RPS6KA2: variants seen among roughly 807,000 people sequenced by gnomAD.
RPS6KA2 encodes the protein ribosomal protein S6 kinase A2, also known as ribosomal protein S6 kinase alpha-2.
RPS6KA2 carries 42 observed loss-of-function variants against 91.8 expected under a neutral mutation model. That is an observed-to-expected ratio of 0.46 (90% CI 0.36 to 0.59). The LOEUF is 0.59. RPS6KA2 is among the 20% of genes least tolerant of loss of function. The probability of loss-of-function intolerance (pLI) is 0.00; values close to 1 mark genes in which losing one functional copy is unlikely to be tolerated. For synonymous variants in RPS6KA2, 414 were observed against 393.6 expected (o/e 1.05, Z -0.61); for missense variants, 798 against 978.5 (o/e 0.82, Z 2.46).
upstream of RPS6KA2, among the ~76,000 whole-genome samples, chr6:166,629,539 A>T (rs1787010236): frequency 6.6e-6 from 1 of 152,240 alleles, no homozygotes. Flanking sequence ...ATCTCTAGTG[A>T]TCATGGAACA....
intron 2 of RPS6KA2, among the ~76,000 whole-genome samples, chr6:166,647,989 C>A (rs1022165551): frequency 4.8e-5 from 5 of 103,666 alleles, no homozygotes; most frequent in African/African-American, 2.1e-4. Context: ...CTCACACACA[C>A]GCACATGCTC....
Position 166,510,348 on chromosome 6 carries a change from C to A in RPS6KA2, c.308G>T (p.Arg103Leu). Reference protein sequence around the residue: ...LKKATLKVRDRVRSKMERDIL... With the variant: ...LKKATLKVRDLVRSKMERDIL... Reference sequence around the variant, plus strand: ...GTCTCTCTCCATCTTCGATCTCACTCGGTCCCGAACTGCAAAGTAAAAAGA... The same window carrying A: ...GTCTCTCTCCATCTTCGATCTCACTAGGTCCCGAACTGCAAAGTAAAAAGA... The change falls in exon 4 of 21, where the codon CGA (arginine) becomes CTA (leucine). Residue 103 changes from arginine to leucine, a missense_variant. By Grantham distance (102) the Arg-to-Leu change is moderately radical. Transcript: ENST00000265678. 6.3e-7 allele frequency: 1 copy of A among 1,588,260 alleles called. No individual in the cohort carries two copies. Among genetic ancestry groups the A allele is most frequent in the Non-Finnish European group, 8.6e-7 (1 of 1,164,200 alleles).
At chr6:166,478,808 C>A (rs1781078477) in intron 10 of RPS6KA2, among the ~76,000 whole-genome samples, 1 of 152,278 alleles carries the variant, frequency 6.6e-6, no homozygotes. Context: ...CTCGTCAGAC[C>A]CATTACAGTG....
In RPS6KA2 at chr6:166,700,799, A is replaced by G. The variant is rs1185858002; in HGVS notation, c.123+157401T>C. 5.3e-5 allele frequency among the ~76,000 whole-genome samples: 8 copies of G among 152,316 alleles called. No homozygotes were observed. In the East Asian group the frequency reaches 1.3e-3, roughly 26 times the overall value. On this transcript the variant is annotated intron_variant, in intron 2 of 21. Transcript: ENST00000503859. The stretch of plus-strand genomic sequence containing the variant: ...TGGGGGAATATTAAGAATAATTAGA[A>G]TATCTGTTATACTGTGAGACTACAA...
rs779870488 is a variant in RPS6KA2, at chr6:166,538,801, C to T, written c.100-17G>A. On this transcript the variant is annotated splice_polypyrimidine_tract_variant and intron_variant, in intron 1 of 20. Transcript: ENST00000265678. ...GCCTTCTTCCTGCAAGAGAGCGGCA[C>T]GGGTGAGAAACACACCGCGAGGAGT... 12 of 1,421,754 alleles carry T rather than the reference C, an allele frequency of 8.4e-6. No individual in the cohort carries two copies. Among genetic ancestry groups the T allele is most frequent in the South Asian group, 3.5e-5 (3 of 86,488 alleles). The allele number at this position is 1,421,754 out of a possible 1,614,324, so 88.1% of individuals were successfully genotyped here.
chr6:166,456,888 G>C (rs1164750780), intron 12 of RPS6KA2, among the ~76,000 whole-genome samples: 3 of 152,206 alleles, frequency 2.0e-5, no homozygotes. Flanking sequence ...GAATAGCACT[G>C]GAGTGCATTG....
At chr6:166,519,714 G>GA (rs1244476678) in intron 3 of RPS6KA2, among the ~76,000 whole-genome samples, 2 of 152,150 alleles carry the variant, frequency 1.3e-5, no homozygotes, top group Non-Finnish European at 2.9e-5. Flanking sequence ...GCAGGCATAG[G>GA]ATATATGATA....
chr6:166,517,851 C>T (rs1388257228), intron 3 of RPS6KA2, among the ~76,000 whole-genome samples: 3 of 152,222 alleles, frequency 2.0e-5, no homozygotes, highest in South Asian at 4.1e-4. Flanking sequence ...CTGCAGATAA[C>T]TAGCCAGTGC....
chr6:166,547,561 A>G (rs1030947385), intron 1 of RPS6KA2, among the ~76,000 whole-genome samples: 1 of 152,272 alleles, frequency 6.6e-6, no homozygotes, highest in Non-Finnish European at 1.5e-5. Flanking sequence ...ATTCAAATTG[A>G]TAACATCTTA....
intron 2 of RPS6KA2, among the ~76,000 whole-genome samples, chr6:166,847,214 C>T (rs2128631377): frequency 6.6e-6 from 1 of 151,360 alleles, no homozygotes; most frequent in East Asian, 1.9e-4. Flanking sequence ...AGGTGAAAGA[C>T]CTCTACAAGG....
At position 166,603,908 on chromosome 6, in the gene RPS6KA2, C is replaced by T. The variant is rs1026272874; in HGVS notation, c.99+23013G>A. 6.6e-6 allele frequency among the ~76,000 whole-genome samples: 1 copy of T among 152,138 alleles called. No individual in the cohort carries two copies. The highest frequency in any genetic ancestry group is 6.5e-5 in the Admixed American group (1 of 15,276). ...GTTTTAGGCAGAAACTGGATTGCCG[C>T]AAAGCTGACATGTTGGAAGGGGTGA... is the stretch of plus-strand genomic sequence containing the variant. On this transcript the variant is annotated intron_variant, in intron 1 of 20. Coordinates refer to ENST00000265678, the MANE Select transcript of RPS6KA2 (RefSeq NM_021135.6). The surrounding 1 kb of genome is among the most constrained non-coding windows in gnomAD (Gnocchi z 4.3).
chr6:166,527,436 A>G (rs1197061778), intron 3 of RPS6KA2, among the ~76,000 whole-genome samples: 1 of 152,336 alleles, frequency 6.6e-6, no homozygotes, highest in East Asian at 1.9e-4. Context: ...CTTTGTCTTA[A>G]ACCACAGGAA....
chr6:166,509,592 G>T (rs973537561), intron 4 of RPS6KA2, among the ~76,000 whole-genome samples: 1 of 152,216 alleles, frequency 6.6e-6, no homozygotes, highest in Non-Finnish European at 1.5e-5. Context: ...TAGTTTTGTT[G>T]CTGTTCCCTT....
intron 2 of RPS6KA2, among the ~76,000 whole-genome samples, chr6:166,745,557 T>C (rs1226816537): frequency 6.6e-6 from 1 of 152,180 alleles, no homozygotes; most frequent in Non-Finnish European, 1.5e-5. Context: ...CCCAATACAG[T>C]CCCATTCTGG....
At chr6:166,702,451 T>C in intron 2 of RPS6KA2, 1 of 1,585,804 alleles carries the variant, frequency 6.3e-7, no homozygotes, top group Non-Finnish European at 8.7e-7. Context: ...TCTAGCTTGG[T>C]CCTTACTGGA....
chr6:166,497,665 G>A (rs1781839030), intron 8 of RPS6KA2, among the ~76,000 whole-genome samples: 1 of 152,250 alleles, frequency 6.6e-6, no homozygotes, highest in African/African-American at 2.4e-5. Context: ...GCAGGACTCA[G>A]CCCTGGGGTT....
rs1225800862 is a variant in RPS6KA2 at position 166,508,286 on chromosome 6, TG to T, written c.380-5del. On this transcript the variant is annotated splice_polypyrimidine_tract_variant and splice_region_variant and intron_variant, in intron 4 of 20. Transcript: ENST00000265678. This position sits in a 1 kb window ranked among gnomAD's most constrained non-coding sequence, Gnocchi z 4.3. ...AGCTTTCCTTCCGTCTGAAAGGCTG[TG>T]GGGGACAGAGACCCGCATTTTGACA... 27 of 1,605,356 alleles carry T rather than the reference TG, an allele frequency of 1.7e-5. No individual in the cohort carries two copies. Among genetic ancestry groups the T allele is most frequent in the Non-Finnish European group, 2.2e-5 (26 of 1,172,274 alleles).
intron 2 of RPS6KA2, among the ~76,000 whole-genome samples, chr6:166,814,167 G>A (rs932831559): frequency 6.6e-6 from 1 of 152,112 alleles, no homozygotes; most frequent in African/African-American, 2.4e-5. Flanking sequence ...CCACATGGAT[G>A]ATAGTATGTT....
At position 166,849,369 on chromosome 6, in the gene RPS6KA2, T is replaced by A. The variant is rs924334462; in HGVS notation, c.123+8831A>T. On this transcript the variant is annotated intron_variant, in intron 2 of 21. Transcript: ENST00000503859. The surrounding 1 kb of genome is among the most constrained non-coding windows in gnomAD (Gnocchi z 4.9). ...GTGTGAAACCATCTTGTTGAGCTAG[T>A]TGTTTATTTGCGAGGATGCTAAAAT... is the stretch of plus-strand genomic sequence containing the variant. Among the ~76,000 whole-genome samples the A allele has an allele frequency of 6.6e-6, 1 of 152,210 alleles. No homozygotes were observed. The highest frequency in any genetic ancestry group is 6.5e-5 in the Admixed American group (1 of 15,284).
Sources: gnomAD v4.1 joint callset for allele counts (sites outside exome capture counted in the v4.1 genomes callset) on GRCh38, gnomAD v4.1.1 for gene constraint, Gnocchi (gnomAD v3.1) non-coding constraint, MANE v1.5 for transcripts, NCBI Gene and HGNC (gene_info 2026-07-23, HGNC 2026-07-21) for gene names.